The following DENND1A variants were observed in gnomAD, a reference collection of about 807,000 sequenced individuals.
The protein encoded by DENND1A is DENN domain-containing protein 1A.
In DENND1A, 51 loss-of-function variants were observed where a neutral mutation model predicts 113.7. The observed-to-expected ratio is 0.45, with a 90% CI of 0.36 to 0.57. The LOEUF (loss-of-function observed/expected upper bound fraction) is 0.57. Among genes scored for constraint, DENND1A ranks in the 20% least tolerant of loss-of-function variants. DENND1A has a pLI of 0.00. For synonymous variants in DENND1A, 565 were observed against 570.8 expected (o/e 0.99, Z 0.14); for missense variants, 1,258 against 1,395.9 (o/e 0.90, Z 1.57).
At chr9:123,833,997 A>C (rs1590283366) in intron 2 of DENND1A, among the ~76,000 whole-genome samples, 1 of 152,202 alleles carries the variant, frequency 6.6e-6, no homozygotes, top group Non-Finnish European at 1.5e-5. Flanking sequence ...CGGGGGTTGC[A>C]GGAAGCTGAG....
At chr9:123,428,086 T>A (rs1294121803) in intron 19 of DENND1A, among the ~76,000 whole-genome samples, 1 of 152,194 alleles carries the variant, frequency 6.6e-6, no homozygotes, top group Admixed American at 6.5e-5. Flanking sequence ...GGTAGATCGC[T>A]TGAGCTCAGG....
chr9:123,780,111 C>T (rs1054850964), intron 3 of DENND1A, among the ~76,000 whole-genome samples: 1 of 152,200 alleles, frequency 6.6e-6, no homozygotes, highest in Non-Finnish European at 1.5e-5. Flanking sequence ...GCCTCAGCGT[C>T]CCAAAGTACT....
intron 7 of DENND1A, among the ~76,000 whole-genome samples, chr9:123,669,225 C>G (rs2063640045): frequency 6.6e-6 from 1 of 151,936 alleles, no homozygotes; most frequent in Non-Finnish European, 1.5e-5. Context: ...ACCATTTTAT[C>G]AACATTTCAG....
At position 123,591,826 on chromosome 9, in the gene DENND1A, GAAT is replaced by G. The variant is rs575936542; in HGVS notation, c.766-8559_766-8557del. Among the ~76,000 whole-genome samples the G allele has an allele frequency of 2.0e-5, 3 of 152,236 alleles. No individual in the cohort carries two copies. The East Asian group carries it at 5.8e-4, about 29-fold the overall frequency. ...GAGTTTGCTCAAGGAAGTGCAATGG[GAAT>G]AATAATAATAACGATGGCAATGATA... On this transcript the variant is annotated intron_variant, in intron 11 of 23. Transcript: ENST00000394215.
intron 4 of DENND1A, among the ~76,000 whole-genome samples, chr9:123,767,522 A>G (rs1213401067): frequency 1.3e-5 from 2 of 152,228 alleles, no homozygotes; most frequent in Non-Finnish European, 2.9e-5. Context: ...TGGTAACAAA[A>G]AAGATTTTAG....
At chr9:123,494,253 C>T (rs187727762) in intron 13 of DENND1A, among the ~76,000 whole-genome samples, 1 of 152,272 alleles carries the variant, frequency 6.6e-6, no homozygotes, top group East Asian at 1.9e-4. Context: ...CCAAAGGAAC[C>T]TGGAGCAGTG....
intron 21 of DENND1A, chr9:123,402,668 C>T: frequency 1.9e-6 from 1 of 530,412 alleles, no homozygotes; most frequent in East Asian, 5.5e-5. Flanking sequence ...AGACTGAGGG[C>T]TGTGCTCCTT....
At chr9:123,459,258 G>C (rs999775780) in intron 13 of DENND1A, among the ~76,000 whole-genome samples, 4 of 152,220 alleles carry the variant, frequency 2.6e-5, no homozygotes, top group African/African-American at 9.6e-5. Flanking sequence ...TGGGGGTAGA[G>C]CAGGGGTGCT....
chr9:123,626,346 T>C (rs527781499), intron 10 of DENND1A, among the ~76,000 whole-genome samples: 22 of 151,792 alleles, frequency 1.4e-4, no homozygotes, highest in Non-Finnish European at 2.7e-4. Flanking sequence ...GTGAGCGTAC[T>C]GTGTGTCTGG....
intron 20 of DENND1A, among the ~76,000 whole-genome samples, chr9:123,409,307 G>C (rs2044125885): frequency 1.3e-5 from 2 of 151,404 alleles, no homozygotes; most frequent in Admixed American, 1.3e-4. Context: ...TCTTCCCGCA[G>C]CATTTTATAT....
chr9:123,381,619 G>A lies in DENND1A; in HGVS notation c.3026C>T (p.Pro1009Leu), dbSNP rs765585771. The change falls in exon 24 of 24, where the codon CCG becomes CTG. Residue 1009 changes from proline (P) to leucine (L), a missense_variant. Coordinates refer to ENST00000394215, the MANE Select transcript of DENND1A (RefSeq NM_001352964.2). This position sits in a 1 kb window ranked among gnomAD's most constrained non-coding sequence, Gnocchi z 4.7. ...TTGAGGGGGCCTGGGAGGCAGAAGC[G>A]GGGGGTCTCCAGGCCTCAGGGCCAG... ...QGLALRPGDP[P>L]LLPPRPPQGL... 9.9e-6 allele frequency: 16 copies of A among 1,612,588 alleles called. No individual in the cohort carries two copies. Among genetic ancestry groups the A allele is most frequent in the South Asian group, 3.3e-5 (3 of 91,050 alleles).
intron 2 of DENND1A, among the ~76,000 whole-genome samples, chr9:123,814,149 TTAA>T (rs1837086120): frequency 1.3e-5 from 2 of 152,202 alleles, no homozygotes; most frequent in East Asian, 1.9e-4. Context: ...CCATTTTAAG[TTAA>T]TAATATGTTT....
At chr9:123,673,090 A>G (rs7028815) in intron 6 of DENND1A, among the ~76,000 whole-genome samples, 36,345 of 152,098 alleles carry the variant, frequency 0.24, 4,799 homozygotes, top group Admixed American at 0.29. Context: ...ATAACTTTCA[A>G]TTGTCTAATG....
intron 13 of DENND1A, among the ~76,000 whole-genome samples, chr9:123,507,857 T>TAA (rs2134433825): frequency 6.6e-6 from 1 of 151,878 alleles, no homozygotes; most frequent in African/African-American, 2.4e-5. Flanking sequence ...AATAAATAAA[T>TAA]ATTTTTTGTC....
At chr9:123,627,960 C>T (rs1377134543) in intron 10 of DENND1A, among the ~76,000 whole-genome samples, 1 of 151,996 alleles carries the variant, frequency 6.6e-6, no homozygotes, top group Admixed American at 6.5e-5. Context: ...ATCCTAGAAA[C>T]AGTTTAAAGA....
intron 5 of DENND1A, among the ~76,000 whole-genome samples, chr9:123,725,404 G>T (rs2067629657): frequency 6.6e-6 from 1 of 152,174 alleles, no homozygotes; most frequent in Non-Finnish European, 1.5e-5. Context: ...AGCTGCCCGG[G>T]ACTACAGGTT....
At chr9:123,897,677 A>G (rs550944515) in intron 1 of DENND1A, among the ~76,000 whole-genome samples, 2 of 152,204 alleles carry the variant, frequency 1.3e-5, no homozygotes, top group Non-Finnish European at 2.9e-5. Flanking sequence ...CCAGCAATGC[A>G]TAAAGGTCTG....
At chr9:123,623,804 C>G (rs2061067053) in intron 10 of DENND1A, among the ~76,000 whole-genome samples, 1 of 152,206 alleles carries the variant, frequency 6.6e-6, no homozygotes, top group African/African-American at 2.4e-5. Flanking sequence ...AGCTGCAATA[C>G]AGCTTCTGGG....
chr9:123,885,751 G>A (rs773136866), intron 1 of DENND1A, among the ~76,000 whole-genome samples: 3 of 152,176 alleles, frequency 2.0e-5, no homozygotes, highest in Non-Finnish European at 2.9e-5. Flanking sequence ...TCAGTGCACC[G>A]GAAGGGTCAT....
Sources: allele counts gnomAD v4.1 joint callset (sites outside exome capture counted in the v4.1 genomes callset), GRCh38; gene constraint gnomAD v4.1.1; non-coding constraint Gnocchi (gnomAD v3.1); transcripts MANE v1.5; gene names NCBI Gene and HGNC (gene_info 2026-07-23, HGNC 2026-07-21).